CLPTM1: variants seen among roughly 807,000 people sequenced by gnomAD.
The protein encoded by CLPTM1 is putative lipid scramblase CLPTM1.
In CLPTM1, 21 loss-of-function variants were observed where a neutral mutation model predicts 77.3. The observed-to-expected ratio is 0.27, with a 90% CI of 0.19 to 0.39. The LOEUF (loss-of-function observed/expected upper bound fraction) is 0.39, where lower values mean the gene tolerates loss of function less well. Ranked by LOEUF, CLPTM1 falls within the 10% of genes least tolerant of loss-of-function variation. The pLI is 1.00. For missense variants in CLPTM1, 642 were observed against 921.2 expected (o/e 0.70, Z 3.92); for synonymous variants, 373 against 381.0 (o/e 0.98, Z 0.24).
At chr19:44,986,289 C>CA (rs1970976328) in intron 6 of CLPTM1, among the ~76,000 whole-genome samples, 166 bp from the exon 7 acceptor site, 1 of 138 alleles carries the variant, frequency 7.2e-3, no homozygotes, top group Non-Finnish European at 0.015. Flanking sequence ...TGCTTGAGCC[C>CA]AGAATTCGAG....
intron 5 of CLPTM1, among the ~76,000 whole-genome samples, chr19:44,979,656 T>G (rs1448818774): frequency 1.3e-5 from 2 of 152,166 alleles, no homozygotes; most frequent in African/African-American, 4.8e-5. Flanking sequence ...TAGAAATGAC[T>G]TGGAAAGGTC....
rs972310857 is a variant in CLPTM1, at chr19:44,986,808, C to T, written c.793+233C>T. 4 of 555,678 alleles carry T rather than the reference C, an allele frequency of 7.2e-6. No homozygotes were observed. In the African/African-American group the frequency reaches 7.5e-5, roughly 10 times the overall value. 34.4% of individuals were successfully genotyped at this position (555,678 alleles called of 1,614,324 possible). On this transcript the variant is annotated intron_variant, in intron 7 of 13. Coordinates refer to ENST00000337392, the MANE Select transcript of CLPTM1 (RefSeq NM_001294.4). ...CCAGCATCGGTCCGCAATCAAGTGC[C>T]ATCCAGCCCACAAACTGTTTTCAAA... is the stretch of plus-strand genomic sequence containing the variant.
At chr19:44,971,278 C>T (rs1970713322) in intron 2 of CLPTM1, among the ~76,000 whole-genome samples, 1 of 151,222 alleles carries the variant, frequency 6.6e-6, no homozygotes, top group South Asian at 2.2e-4. Flanking sequence ...AGAACAAATA[C>T]GAGAATACGT....
chr19:44,965,849 T>A (rs1016257739), intron 2 of CLPTM1, among the ~76,000 whole-genome samples: 1 of 152,114 alleles, frequency 6.6e-6, no homozygotes, highest in African/African-American at 2.4e-5. Flanking sequence ...AAACAATCAT[T>A]CCTTTGGCTA....
At chr19:44,975,470 C>T (rs1467108579) in intron 4 of CLPTM1, among the ~76,000 whole-genome samples, 3 of 152,306 alleles carry the variant, frequency 2.0e-5, no homozygotes, top group Middle Eastern at 3.4e-3. Flanking sequence ...CCCAGCAGGC[C>T]TTCTCAGCTT....
chr19:44,958,651 C>T (rs555636599), intron 1 of CLPTM1, among the ~76,000 whole-genome samples: 41 of 152,278 alleles, frequency 2.7e-4, no homozygotes, highest in Middle Eastern at 3.4e-3. Context: ...GGATTTCAGG[C>T]GTGAGCCACC....
intron 4 of CLPTM1, among the ~76,000 whole-genome samples, chr19:44,976,432 C>T (rs112477655): frequency 9.7e-4 from 148 of 152,296 alleles, no homozygotes; most frequent in African/African-American, 3.5e-3. Context: ...CTGTAGTGTG[C>T]CATGATCGCA....
upstream of CLPTM1, chr19:44,954,795 C>A: frequency 7.8e-7 from 1 of 1,279,312 alleles, no homozygotes. Flanking sequence ...GTTTGTTGGC[C>A]GTAAGACCCC....
chr19:44,956,853 T>C (rs946436270), intron 1 of CLPTM1, among the ~76,000 whole-genome samples: 5 of 152,202 alleles, frequency 3.3e-5, no homozygotes, highest in African/African-American at 1.2e-4. Flanking sequence ...ACAAATTCTT[T>C]AATAAATCAC....
intron 4 of CLPTM1, among the ~76,000 whole-genome samples, chr19:44,975,632 T>C (rs927596140): frequency 6.6e-6 from 1 of 152,034 alleles, no homozygotes; most frequent in African/African-American, 2.4e-5. Flanking sequence ...TGGCGCAACC[T>C]TGGCTCACTG....
intron 5 of CLPTM1, among the ~76,000 whole-genome samples, chr19:44,978,848 C>T (rs761407771): frequency 6.6e-6 from 1 of 151,924 alleles, no homozygotes; most frequent in South Asian, 2.1e-4. Flanking sequence ...ATCAGTAGTC[C>T]CAGCTACTTG....
At chr19:44,957,374 C>T (rs1970480684) in intron 1 of CLPTM1, among the ~76,000 whole-genome samples, 1 of 152,256 alleles carries the variant, frequency 6.6e-6, no homozygotes. Flanking sequence ...AGGGCAGAGC[C>T]AGGACTGCCT....
chr19:44,967,820 T>G lies in CLPTM1; in HGVS notation c.186-5267T>G, dbSNP rs536826947. ...TCTGTTAAGTTGCAAAACTGACATG[T>G]GTGCCTCAAAAATTCCTGCCATGTG... On this transcript the variant is annotated intron_variant, in intron 2 of 13. Transcript: ENST00000337392. 3.9e-5 allele frequency among the ~76,000 whole-genome samples: 6 copies of G among 152,298 alleles called. No individual in the cohort carries two copies. In the East Asian group the frequency reaches 7.7e-4, roughly 20 times the overall value.
chr19:44,988,290 C>T, intron 9 of CLPTM1, 117 bp downstream of exon 9: 2 of 785,820 alleles, frequency 2.5e-6, no homozygotes, highest in Admixed American at 2.0e-5. Flanking sequence ...TCTCTCAGCC[C>T]CACTCTCCAG....
intron 2 of CLPTM1, among the ~76,000 whole-genome samples, chr19:44,963,189 CAG>C (rs1396321311): frequency 2.1e-5 from 2 of 93,926 alleles, no homozygotes; most frequent in Non-Finnish European, 3.8e-5. Context: ...AGCCTGGGGA[CAG>C]AGTGAGACTC....
chr19:44,967,780 A>G (rs888010294), intron 2 of CLPTM1, among the ~76,000 whole-genome samples: 1 of 152,182 alleles, frequency 6.6e-6, no homozygotes, highest in Admixed American at 6.5e-5. Context: ...AACTGCAGGA[A>G]AGAAACCTCC....
intron 1 of CLPTM1, chr19:44,955,742 G>C (rs1438568002): frequency 2.8e-6 from 1 of 360,168 alleles, no homozygotes. Context: ...AGGGGCGCAG[G>C]CTTGTACCTT....
At chr19:44,960,646 G>A (rs1211408018) in intron 1 of CLPTM1, among the ~76,000 whole-genome samples, 2 of 152,192 alleles carry the variant, frequency 1.3e-5, no homozygotes, top group African/African-American at 4.8e-5. Context: ...TGGGACATTT[G>A]CTATCTGGTG....
At position 44,974,513 on chromosome 19, in the gene CLPTM1, G is replaced by A. The variant is rs748678754; in HGVS notation, c.384G>A (p.Gln128=). 18 of 1,614,198 alleles carry A rather than the reference G, an allele frequency of 1.1e-5. 1 individual carries two copies. In the Admixed American group the frequency reaches 2.2e-4, roughly 19 times the overall value. The part of the protein sequence containing the change: ...FNATSALFWE[Q]HDLVYGDWTS... ...CCACGTCGGCACTCTTCTGGGAACA[G>A]CACGATCTTGTGTATGGCGACTGGA... Residue 128 remains glutamine (Q), a synonymous_variant, in exon 4 of 14, where the codon CAG becomes CAA. Coordinates refer to ENST00000337392, the MANE Select transcript of CLPTM1 (RefSeq NM_001294.4).
Sources: gnomAD v4.1 joint callset for allele counts (sites outside exome capture counted in the v4.1 genomes callset) on GRCh38, gnomAD v4.1.1 for gene constraint, MANE v1.5 for transcripts, NCBI Gene and HGNC (gene_info 2026-07-23, HGNC 2026-07-21) for gene names.